The following IFT122 variants were observed in gnomAD, a reference collection of about 807,000 sequenced individuals.
The protein encoded by IFT122 is intraflagellar transport 122, also known as intraflagellar transport protein 122 homolog.
In IFT122, 118 loss-of-function variants were observed where a neutral mutation model predicts 161.6. That is an observed-to-expected ratio of 0.73 (90% CI 0.63 to 0.85). The LOEUF is 0.85. Among genes scored for constraint, IFT122 ranks in the 40% least tolerant of loss-of-function variants. IFT122 has a pLI of 0.00. For missense variants in IFT122, 1,381 were observed against 1,579.6 expected, an observed-to-expected ratio of 0.87 and a Z score of 2.13; for synonymous variants, 550 against 602.4, an observed-to-expected ratio of 0.91 and a Z score of 1.27.
chr3:129,465,124 T>A (rs1479686448), intron 7 of IFT122, among the ~76,000 whole-genome samples: 1 of 75,132 alleles, frequency 1.3e-5, no homozygotes, highest in East Asian at 7.9e-4. Context: ...AGTGTGTGTG[T>A]GTGTGTGTGT....
chr3:129,474,540 A>T (rs181000265), intron 9 of IFT122, among the ~76,000 whole-genome samples: 1 of 152,010 alleles, frequency 6.6e-6, no homozygotes, highest in African/African-American at 2.4e-5. Context: ...GGATGAGGGG[A>T]TGGGGATTGG....
intron 28 of IFT122, 103 bp from the exon 29 acceptor site, chr3:129,519,465 G>C: frequency 6.7e-7 from 1 of 1,484,608 alleles, no homozygotes; most frequent in Non-Finnish European, 9.2e-7. Context: ...TTAGGAAGCA[G>C]GTCCTCTCTC....
intron 26 of IFT122, among the ~76,000 whole-genome samples, 189 bp from the exon 27 acceptor site, chr3:129,517,280 A>G (rs991824022): frequency 4.0e-4 from 54 of 136,604 alleles, no homozygotes; most frequent in Middle Eastern, 4.8e-3. Flanking sequence ...ACACACACAC[A>G]CACACACACA....
chr3:129,475,221 A>G (rs1218280968), intron 9 of IFT122, among the ~76,000 whole-genome samples: 12 of 152,218 alleles, frequency 7.9e-5, no homozygotes, highest in Admixed American at 7.9e-4. Flanking sequence ...TGCAAATTGA[A>G]ACCACAATGA....
intron 11 of IFT122, among the ~76,000 whole-genome samples, 187 bp downstream of exon 11, chr3:129,476,988 C>G (rs375747713): frequency 2.4e-4 from 36 of 148,118 alleles, no homozygotes; most frequent in African/African-American, 8.1e-4. Context: ...ATGCCAGTCT[C>G]CTTGAGGATC....
intron 23 of IFT122, among the ~76,000 whole-genome samples, chr3:129,509,944 C>T (rs73204237): frequency 1.3e-5 from 2 of 152,248 alleles, no homozygotes; most frequent in African/African-American, 2.4e-5. Flanking sequence ...GAGGATTAGA[C>T]GAGTTAATAT....
At chr3:129,477,451 G>A (rs2078091098) in intron 11 of IFT122, among the ~76,000 whole-genome samples, 1 of 152,210 alleles carries the variant, frequency 6.6e-6, no homozygotes, top group African/African-American at 2.4e-5. Flanking sequence ...TCCAGGTTGG[G>A]GGTTGTCTTG....
chr3:129,499,828 G>C, intron 18 of IFT122, 74 bp from the exon 19 acceptor site: 2 of 1,585,632 alleles, frequency 1.3e-6, no homozygotes. Flanking sequence ...CGCCCTTGCT[G>C]CTAGAAAAGC....
intron 4 of IFT122, chr3:129,459,391 G>A (rs569818635): frequency 2.2e-5 from 9 of 414,226 alleles, no homozygotes; most frequent in East Asian, 8.3e-5. Flanking sequence ...CCAGGTTCAC[G>A]CCATTCTCCT....
In IFT122 at chr3:129,515,531, T is replaced by C; in HGVS notation, c.3197T>C (p.Leu1066Pro). The C allele has an allele frequency of 1.3e-6, 2 of 1,585,924 alleles. No homozygotes were observed. The highest frequency in any genetic ancestry group is 1.7e-6 in the Non-Finnish European group (2 of 1,156,718). Reference sequence around the variant, plus strand: ...TACCGCTGCTCCACCAACAACCCGCTGCTCAACAACCTGGGCAACGTCTGC... The same window carrying C: ...TACCGCTGCTCCACCAACAACCCGCCGCTCAACAACCTGGGCAACGTCTGC... ...LCYRCSTNNP[L>P]LNNLGNVCIN... The change falls in exon 26 of 30, where the codon CTG (leucine) becomes CCG (proline). Residue 1066 changes from leucine (L) to proline (P), a missense_variant. This residue lies in a region of IFT122 where 20 missense variants were observed against 54.2 expected (regional missense o/e 0.37). Coordinates refer to ENST00000348417, the MANE Select transcript of IFT122 (RefSeq NM_052989.3).
At chr3:129,519,782 C>T (rs1385516792) in intron 29 of IFT122, 50 bp downstream of exon 29, 18 of 1,607,376 alleles carry the variant, frequency 1.1e-5, no homozygotes, top group Non-Finnish European at 1.5e-5. Flanking sequence ...GCCACTTTTC[C>T]CTTGCCCAAA....
intron 24 of IFT122, 124 bp downstream of exon 24, chr3:129,512,536 G>A (rs980841641): frequency 2.4e-5 from 19 of 792,698 alleles, no homozygotes; most frequent in Non-Finnish European, 4.3e-5. Flanking sequence ...GGAAGACAGA[G>A]AACTCACCCT....
chr3:129,459,176 G>T (rs2075873699), intron 4 of IFT122: 2 of 399,888 alleles, frequency 5.0e-6, no homozygotes, highest in Non-Finnish European at 9.8e-6. Flanking sequence ...ACTGGAACAG[G>T]TCTCTTTCGA....
intron 4 of IFT122, 26 bp from the exon 5 acceptor site, chr3:129,461,202 G>C: frequency 6.4e-7 from 1 of 1,567,820 alleles, no homozygotes; most frequent in Non-Finnish European, 8.8e-7. Context: ...TTGCTGCATA[G>C]TAATCTACAG....
At chr3:129,478,725 G>A (rs979409782) in intron 12 of IFT122, among the ~76,000 whole-genome samples, 63 of 152,142 alleles carry the variant, frequency 4.1e-4, no homozygotes, top group Admixed American at 1.5e-3. Flanking sequence ...GGGATTATAG[G>A]TGTGAGCCAC....
intron 26 of IFT122, among the ~76,000 whole-genome samples, chr3:129,516,841 G>GCACA (rs144279422): frequency 9.2e-4 from 73 of 79,632 alleles, no homozygotes; most frequent in African/African-American, 3.4e-3. Context: ...GACTGCCCCT[G>GCACA]CACACACACA....
chr3:129,489,138 AT>A (rs2079707559), intron 16 of IFT122, among the ~76,000 whole-genome samples: 1 of 152,020 alleles, frequency 6.6e-6, no homozygotes, highest in Admixed American at 6.5e-5. Context: ...TGAGCTGCTC[AT>A]TTTGTCCATA....
chr3:129,465,990 G>C (rs957792466), intron 7 of IFT122, among the ~76,000 whole-genome samples: 2 of 151,944 alleles, frequency 1.3e-5, no homozygotes, highest in Non-Finnish European at 2.9e-5. Context: ...TGTATTTTTA[G>C]TAGAGACAGG....
chr3:129,464,492 C>A (rs928434606), intron 6 of IFT122, 143 bp from the exon 7 acceptor site: 2 of 952,544 alleles, frequency 2.1e-6, no homozygotes, highest in Admixed American at 3.6e-5. Context: ...GACTTTATGT[C>A]AGGACCGGCA....
Sources: allele counts gnomAD v4.1 joint callset (sites outside exome capture counted in the v4.1 genomes callset), GRCh38; gene constraint gnomAD v4.1.1; regional missense constraint gnomAD v4.1.1; transcripts MANE v1.5; gene names NCBI Gene and HGNC (gene_info 2026-07-23, HGNC 2026-07-21).